TET3: variants seen among roughly 807,000 people sequenced by gnomAD.
TET3 encodes tet methylcytosine dioxygenase 3, also known as methylcytosine dioxygenase TET3.
Under a neutral mutation model 141.4 loss-of-function variants are expected in TET3, and 19 were observed. That is an observed-to-expected ratio of 0.13 (90% CI 0.09 to 0.20). TET3 has a LOEUF of 0.20. TET3 is among the 10% of genes least tolerant of loss of function. The pLI is 1.00. For synonymous variants in TET3, 1,043 were observed against 980.9 expected, an observed-to-expected ratio of 1.06 and a Z score of -1.18; for missense variants, 1,874 against 2,356.9, an observed-to-expected ratio of 0.80 and a Z score of 4.24.
rs1344555437 is a variant in TET3 at position 74,103,241 on chromosome 2, G to C, written c.*1065G>C. The C allele has an allele frequency of 2.6e-5, 4 of 152,542 alleles. No individual in the cohort carries two copies. Among genetic ancestry groups the C allele is most frequent in the Non-Finnish European group, 1.5e-5 (1 of 68,116 alleles). 9.4% of individuals were successfully genotyped at this position (152,542 alleles called of 1,614,324 possible). On this transcript the variant is annotated 3_prime_UTR_variant, in exon 12 of 12. Coordinates refer to ENST00000409262, the MANE Select transcript of TET3 (RefSeq NM_001287491.2). ...GGAAGTTGAACCCAAGCTGTGAAAA[G>C]CCAGTGGTGCTCTGTGCATGGTGCT... is the stretch of plus-strand genomic sequence containing the variant.
chr2:74,130,500 C>T, the TET3 span: 1 of 152,206 alleles, frequency 6.6e-6, no homozygotes, highest in African/African-American at 2.4e-5. Context: ...TTTGGTGGCC[C>T]GAAGAAGGCA....
chr2:74,005,289 T>C (rs1320807611), intron 3 of TET3, among the ~76,000 whole-genome samples: 1 of 152,210 alleles, frequency 6.6e-6, no homozygotes, highest in Non-Finnish European at 1.5e-5. Context: ...AACAAGTCTT[T>C]CTCCTTCCGC....
intron 2 of TET3, among the ~76,000 whole-genome samples, chr2:74,000,433 C>T (rs995110776): frequency 3.9e-5 from 6 of 152,096 alleles, no homozygotes; most frequent in African/African-American, 7.2e-5. Context: ...TGTCAGGACC[C>T]GGGAGGAGCA....
intron 3 of TET3, among the ~76,000 whole-genome samples, chr2:74,006,340 A>G (rs1685148187): frequency 6.6e-6 from 1 of 152,248 alleles, no homozygotes; most frequent in Non-Finnish European, 1.5e-5. Context: ...TTCCCCATCC[A>G]TGATAAGAAC....
In TET3 at chr2:74,103,730, GAGTGTTGGTTTTTCT is replaced by G. The variant is rs1228709340; in HGVS notation, c.*1555_*1569del. 1 of 153,562 alleles carries G rather than the reference GAGTGTTGGTTTTTCT, an allele frequency of 6.5e-6. No individual in the cohort carries two copies. Among genetic ancestry groups the G allele is most frequent in the East Asian group, 1.9e-4 (1 of 5,196 alleles). The allele number at this position is 153,562 out of a possible 1,614,324, so 9.5% of individuals were successfully genotyped here. A position where few individuals can be genotyped will look rare whatever the true frequency, so the allele number is the denominator to read the frequency against. On this transcript the variant is annotated 3_prime_UTR_variant, in exon 12 of 12. Transcript: ENST00000409262. ...ATCATCACCAAGTCAAACTTTGTTG[GAGTGTTGGTTTTTCT>G]TGTGATATTAGCAGAAATGATCTCA...
rs1365297161 is a variant in TET3 at position 74,107,921 on chromosome 2, T to A, written c.*5745T>A. ...CTGATAATTTTATTTTGTATAATTT[T>A]TACCTTTTTGTTAATATTTTTTCCT... On this transcript the variant is annotated 3_prime_UTR_variant, in exon 12 of 12. Transcript: ENST00000409262. 1.3e-5 allele frequency: 2 copies of A among 152,890 alleles called. No individual in the cohort carries two copies. Among genetic ancestry groups the A allele is most frequent in the African/African-American group, 4.8e-5 (2 of 41,446 alleles). The allele number at this position is 152,890 out of a possible 1,614,324, so 9.5% of individuals were successfully genotyped here.
At chr2:74,042,613 A>G (rs1317516346) in intron 3 of TET3, among the ~76,000 whole-genome samples, 1 of 152,200 alleles carries the variant, frequency 6.6e-6, no homozygotes. Context: ...TTACTGTCCA[A>G]TGACCCCATG....
intron 3 of TET3, among the ~76,000 whole-genome samples, chr2:74,042,985 A>G (rs1217852206): frequency 6.6e-6 from 1 of 152,218 alleles, no homozygotes; most frequent in Non-Finnish European, 1.5e-5. Flanking sequence ...CACAAGAGCC[A>G]TCCTAGCCCT....
At chr2:74,056,137 G>C (rs561452085) in intron 4 of TET3, among the ~76,000 whole-genome samples, 115 of 152,308 alleles carry the variant, frequency 7.6e-4, no homozygotes, top group African/African-American at 2.6e-3. Flanking sequence ...CTGTCTCTCT[G>C]TACTAATGTC....
At chr2:74,081,384 G>A (rs1004936105) in intron 6 of TET3, among the ~76,000 whole-genome samples, 1 of 152,212 alleles carries the variant, frequency 6.6e-6, no homozygotes, top group African/African-American at 2.4e-5. Flanking sequence ...ACGAGGGCTC[G>A]GTCCCTATGT....
intron 2 of TET3, among the ~76,000 whole-genome samples, chr2:73,994,493 G>A (rs1684480624): frequency 6.6e-6 from 1 of 152,194 alleles, no homozygotes; most frequent in Non-Finnish European, 1.5e-5. Context: ...GCACGAGTCT[G>A]GGTGCTGCCT....
At chr2:74,075,320 CTTTTTTTTTTT>C (rs971111434) in intron 5 of TET3, among the ~76,000 whole-genome samples, 9 of 89,122 alleles carry the variant, frequency 1.0e-4, no homozygotes, top group Non-Finnish European at 1.6e-4. Flanking sequence ...GAGCCAAATA[CTTTTTTTTTTT>C]TTTTTTTTTT....
Position 74,078,204 on chromosome 2 carries a change from TA to T in TET3, c.2586-2285del, listed in dbSNP as rs569921948. Among the ~76,000 whole-genome samples the T allele has an allele frequency of 4.0e-3, 602 of 151,788 alleles. 2 individuals carry two copies. Among genetic ancestry groups the T allele is most frequent in the African/African-American group, 0.013 (552 of 41,440 alleles). On this transcript the variant is annotated intron_variant, in intron 5 of 11. Transcript: ENST00000409262. ...TGTTTTAAAAAATTAATTCGTTAATTAAAAAAAAATTATAAACTGTTCTCTT... is the reference window on the plus strand; with the variant it reads ...TGTTTTAAAAAATTAATTCGTTAATTAAAAAAAATTATAAACTGTTCTCTT...
the TET3 span, among the ~76,000 whole-genome samples, chr2:74,114,196 A>G: frequency 8.5e-5 from 13 of 152,342 alleles, no homozygotes; most frequent in Non-Finnish European, 1.6e-4. Flanking sequence ...AAGAATACTC[A>G]CTGGGGAAAG....
intron 2 of TET3, 43 bp downstream of exon 2, chr2:73,986,749 G>A: frequency 4.1e-6 from 5 of 1,229,804 alleles, no homozygotes; most frequent in Non-Finnish European, 5.1e-6. Flanking sequence ...TTCCTCGAGG[G>A]CACGGTGATC....
chr2:74,086,108 C>G (rs1009058944), intron 6 of TET3, among the ~76,000 whole-genome samples: 5 of 152,236 alleles, frequency 3.3e-5, no homozygotes, highest in African/African-American at 1.2e-4. Flanking sequence ...GCGTGGAGTT[C>G]CCGCCTCAAG....
At chr2:74,011,859 G>A (rs1416784706) in intron 3 of TET3, among the ~76,000 whole-genome samples, 11 of 151,174 alleles carry the variant, frequency 7.3e-5, no homozygotes, top group Non-Finnish European at 1.3e-4. Flanking sequence ...GCAACATAGC[G>A]AGACCCTCAT....
At chr2:74,068,177 T>A (rs1689011141) in intron 4 of TET3, among the ~76,000 whole-genome samples, 1 of 151,900 alleles carries the variant, frequency 6.6e-6, no homozygotes, top group African/African-American at 2.4e-5. Context: ...GGCTGTTATT[T>A]TTTTTTTAAT....
Position 74,090,102 on chromosome 2 carries a change from T to TCATGGTCCAG in TET3, c.3039+57_3039+66dup, listed in dbSNP as rs1287989988. 1.1e-5 allele frequency: 17 copies of TCATGGTCCAG among 1,601,282 alleles called. No individual in the cohort carries two copies. The Admixed American group carries it at 2.2e-4, about 21-fold the overall frequency. On this transcript the variant is annotated intron_variant, in intron 8 of 11. Transcript: ENST00000409262. ...CCCATCCTTTCTCGCCTGGCGTCCTTCATGGTCCAGCGGGAGGTAGTACTG... is the reference window on the plus strand; with the variant it reads ...CCCATCCTTTCTCGCCTGGCGTCCTTCATGGTCCAGCATGGTCCAGCGGGAGGTAGTACTG...
Sources: allele counts gnomAD v4.1 joint callset (sites outside exome capture counted in the v4.1 genomes callset), GRCh38; gene constraint gnomAD v4.1.1; transcripts MANE v1.5; gene names NCBI Gene and HGNC (gene_info 2026-07-23, HGNC 2026-07-21).